The following C10orf53 variants were observed in gnomAD, a reference collection of about 807,000 sequenced individuals.
The protein encoded by C10orf53 is UPF0728 protein C10orf53.
In C10orf53, 8 loss-of-function variants were observed where a neutral mutation model predicts 9.4. That is an observed-to-expected ratio of 0.85 (90% CI 0.50 to 1.53). The LOEUF is 1.53. Among genes scored for constraint, C10orf53 ranks in the 40% most tolerant of loss-of-function variants. The probability of loss-of-function intolerance (pLI) is 0.00; values close to 1 mark genes in which losing one functional copy is unlikely to be tolerated. For missense variants in C10orf53, 117 were observed against 117.8 expected (o/e 0.99, Z 0.03); for synonymous variants, 48 against 46.0 (o/e 1.04, Z -0.18).
downstream of C10orf53, among the ~76,000 whole-genome samples, chr10:49,699,011 C>G (rs76586308): frequency 1.5e-3 from 229 of 152,120 alleles, 1 homozygote; most frequent in Non-Finnish European, 2.6e-3. Flanking sequence ...CTGAATTGTT[C>G]CAGAAAAGCT....
chr10:49,708,780 A>G, exon 3 of C10orf53: 1 of 988,820 alleles, frequency 1.0e-6, no homozygotes, highest in South Asian at 1.7e-5. Context: ...ACCTGTGGCA[A>G]ACCCAACGTG....
intron 2 of C10orf53, among the ~76,000 whole-genome samples, chr10:49,707,875 T>C (rs1448095526): frequency 6.7e-6 from 1 of 150,368 alleles, no homozygotes; most frequent in Admixed American, 6.6e-5. Flanking sequence ...TCCTTAGAAA[T>C]GAAAAAAAAA....
At chr10:49,688,094 A>G (rs1299746813) in intron 1 of C10orf53, among the ~76,000 whole-genome samples, 1 of 152,078 alleles carries the variant, frequency 6.6e-6, no homozygotes, top group Admixed American at 6.6e-5. Context: ...TTTAATCAGG[A>G]CCTCTCGTAG....
At chr10:49,688,815 A>G (rs1840554171) in intron 1 of C10orf53, among the ~76,000 whole-genome samples, 1 of 152,110 alleles carries the variant, frequency 6.6e-6, no homozygotes, top group African/African-American at 2.4e-5. Context: ...ATATTCCTCA[A>G]AAGTCACCTT....
chr10:49,700,597 C>T (rs1659327), downstream of C10orf53, among the ~76,000 whole-genome samples: 56,388 of 151,776 alleles, frequency 0.37, 12,635 homozygotes, highest in East Asian at 0.81. Flanking sequence ...GGCATGTCCA[C>T]TTCTCCCTGA....
At position 49,693,950 on chromosome 10, in the gene C10orf53, A is replaced by C. The variant is rs762486024; in HGVS notation, c.217+57A>C. 1.3e-5 allele frequency: 21 copies of C among 1,608,860 alleles called. No homozygotes were observed. The East Asian group carries it at 3.6e-4, about 27-fold the overall frequency. On this transcript the variant is annotated intron_variant, in intron 2 of 2. Transcript: ENST00000374111. ...ATTTGCCTCCTCTGAGGAGTCCCTC[A>C]ATTTCTAGTTGAAATGATCAGTGTA...
At chr10:49,680,028 T>A (rs1236182041) in intron 1 of C10orf53, among the ~76,000 whole-genome samples, 4 of 152,162 alleles carry the variant, frequency 2.6e-5, no homozygotes, top group African/African-American at 9.7e-5. Flanking sequence ...ATTACAGAAA[T>A]TACCTCCATA....
intron 1 of C10orf53, 77 bp downstream of exon 1, chr10:49,679,871 C>T: frequency 3.8e-6 from 5 of 1,314,878 alleles, no homozygotes; most frequent in Non-Finnish European, 5.0e-6. Context: ...TGTGCCTAGG[C>T]CTTCCTCAGA....
chr10:49,694,343 C>T, intron 2 of C10orf53, 195 bp from the exon 3 acceptor site: 2 of 731,886 alleles, frequency 2.7e-6, no homozygotes, highest in South Asian at 3.9e-5. Flanking sequence ...GCCTGGCAGG[C>T]TGGCACTGTG....
chr10:49,684,270 G>C (rs1840506720), intron 1 of C10orf53, among the ~76,000 whole-genome samples: 1 of 152,134 alleles, frequency 6.6e-6, no homozygotes, highest in Admixed American at 6.5e-5. Context: ...TAGCTTTCTA[G>C]TAAGTTTTGA....
exon 3 of C10orf53, chr10:49,708,927 A>C: frequency 3.1e-6 from 1 of 325,948 alleles, no homozygotes. Context: ...TTTCTCAACA[A>C]TGCCAGTGCT....
downstream of C10orf53, among the ~76,000 whole-genome samples, chr10:49,701,514 C>T (rs774176576): frequency 5.6e-4 from 85 of 152,102 alleles, no homozygotes; most frequent in Admixed American, 4.8e-3. Flanking sequence ...TAAGTCTGAC[C>T]AGTGACCTAG....
chr10:49,702,782 G>A lies in C10orf53; in HGVS notation c.218-5579G>A, dbSNP rs148983711. Among the ~76,000 whole-genome samples, 6 of 152,136 alleles carry A rather than the reference G, an allele frequency of 3.9e-5. No homozygotes were observed. In the East Asian group the frequency reaches 1.2e-3, roughly 29 times the overall value. On this transcript the variant is annotated intron_variant, in intron 2 of 2. Coordinates refer to the C10orf53 transcript ENST00000374112. Reference sequence around the variant, plus strand: ...CTCCTATTGGTTCTGTTTCTCTGGCGAACCCTGACTAATACAGAAGTCAAG... The same window carrying A: ...CTCCTATTGGTTCTGTTTCTCTGGCAAACCCTGACTAATACAGAAGTCAAG...
At chr10:49,693,241 CATA>C (rs1218836390) in intron 1 of C10orf53, among the ~76,000 whole-genome samples, 1 of 152,148 alleles carries the variant, frequency 6.6e-6, no homozygotes, top group Non-Finnish European at 1.5e-5. Context: ...ATTTTGCTGT[CATA>C]ATAATGGAGA....
At position 49,694,801 on chromosome 10, in the gene C10orf53, A is replaced by C. The variant is rs922740612; in HGVS notation, c.*199A>C. ...ACAGGAGCCCACAGAAATAATAAAAACCACATCATTTATAACATGTCTCAA... is the reference window on the plus strand; with the variant it reads ...ACAGGAGCCCACAGAAATAATAAAACCCACATCATTTATAACATGTCTCAA... On this transcript the variant is annotated 3_prime_UTR_variant, in exon 3 of 3. Transcript: ENST00000374111. 1.4e-6 allele frequency: 2 copies of C among 1,393,866 alleles called. No individual in the cohort carries two copies. The highest frequency in any genetic ancestry group is 1.9e-6 in the Non-Finnish European group (2 of 1,077,022). The allele number at this position is 1,393,866 out of a possible 1,614,324, so 86.3% of individuals were successfully genotyped here.
chr10:49,688,557 A>C (rs1840551273), intron 1 of C10orf53, among the ~76,000 whole-genome samples: 1 of 150,116 alleles, frequency 6.7e-6, no homozygotes, highest in Non-Finnish European at 1.5e-5. Flanking sequence ...AGGGGCCCCC[A>C]GCTCACTCAG....
chr10:49,686,569 A>G (rs1352765468), intron 1 of C10orf53, among the ~76,000 whole-genome samples: 1 of 152,144 alleles, frequency 6.6e-6, no homozygotes, highest in Non-Finnish European at 1.5e-5. Flanking sequence ...GAATATTAAT[A>G]ATTGAGAACC....
chr10:49,696,160 A>C lies in C10orf53; in HGVS notation c.*1558A>C, dbSNP rs900291996. 6.6e-6 allele frequency: 1 copy of C among 152,150 alleles called. No individual in the cohort carries two copies. The highest frequency in any genetic ancestry group is 1.5e-5 in the Non-Finnish European group (1 of 68,018). 9.4% of individuals were successfully genotyped at this position (152,150 alleles called of 1,614,324 possible). On this transcript the variant is annotated 3_prime_UTR_variant, in exon 3 of 3. Coordinates refer to ENST00000374111, the MANE Select transcript of C10orf53 (RefSeq NM_001042427.3). ...TGCACAATTTTGTAAGTTTTTAAAA[A>C]TTTTTCAACTTTTATTTTAGATACA...
intron 1 of C10orf53, among the ~76,000 whole-genome samples, chr10:49,686,475 T>C (rs1301899068): frequency 6.6e-6 from 1 of 152,226 alleles, no homozygotes; most frequent in Non-Finnish European, 1.5e-5. Context: ...TCGGGCAGAA[T>C]ACAGCCGTAT....
Sources: gnomAD v4.1 joint callset for allele counts (sites outside exome capture counted in the v4.1 genomes callset) on GRCh38, gnomAD v4.1.1 for gene constraint, MANE v1.5 for transcripts, NCBI Gene and HGNC (gene_info 2026-07-23, HGNC 2026-07-21) for gene names.